STARD4: variants seen among roughly 807,000 people sequenced by gnomAD.
STARD4 encodes the protein stAR-related lipid transfer protein 4.
STARD4 carries 33 observed loss-of-function variants against 24.9 expected under a neutral mutation model. That is an observed-to-expected ratio of 1.32 (90% confidence interval 1.00 to 1.77). The LOEUF is 1.77. Ranked by LOEUF, STARD4 falls within the 40% of genes most tolerant of loss-of-function variation. The pLI is 0.00. For synonymous variants in STARD4, 88 were observed against 77.4 expected, an observed-to-expected ratio of 1.14 and a Z score of -0.72; for missense variants, 238 against 249.3, an observed-to-expected ratio of 0.95 and a Z score of 0.31.
In STARD4 at chr5:111,499,050, A is replaced by G. The variant is rs1461601552; in HGVS notation, c.*836T>C. 6.6e-6 allele frequency: 1 copy of G among 152,210 alleles called. No homozygotes were observed. The highest frequency in any genetic ancestry group is 2.4e-5 in the African/African-American group (1 of 41,456). The allele number at this position is 152,210 out of a possible 1,614,324, so 9.4% of individuals were successfully genotyped here. ...TAGACACAGGAATACTAACACATAA[A>G]CAACTAACATTAAACACGGAAATGG... On this transcript the variant is annotated 3_prime_UTR_variant, in exon 6 of 6. Transcript: ENST00000296632.
chr5:111,500,223 A>G, intron 5 of STARD4, 117 bp from the exon 6 acceptor site: 1 of 1,383,892 alleles, frequency 7.2e-7, no homozygotes. Flanking sequence ...ATAGATGAAA[A>G]TTAAATCCCA....
chr5:111,511,901 GC>G (rs1377118277), intron 1 of STARD4, among the ~76,000 whole-genome samples: 1 of 152,188 alleles, frequency 6.6e-6, no homozygotes, highest in Admixed American at 6.5e-5. Flanking sequence ...AAGGCAGTAA[GC>G]CCTGGGAAAA....
chr5:111,505,009 T>G (rs1179996427), intron 3 of STARD4: 1 of 455,594 alleles, frequency 2.2e-6, no homozygotes, highest in East Asian at 7.0e-5. Context: ...ACACATCAGG[T>G]CCTACCTCTT....
At position 111,496,711 on chromosome 5, in the gene STARD4, G is replaced by A. The variant is rs1756116861; in HGVS notation, c.*3175C>T. 6.6e-6 allele frequency: 1 copy of A among 151,986 alleles called. No individual in the cohort carries two copies. The highest frequency in any genetic ancestry group is 2.4e-5 in the African/African-American group (1 of 41,418). The allele number at this position is 151,986 out of a possible 1,614,324, so 9.4% of individuals were successfully genotyped here. ...GATATTAATTGAATTCAGCATGATT[G>A]TTGATAAAATGCCCTTTGGTTAGAA... On this transcript the variant is annotated 3_prime_UTR_variant, in exon 6 of 6. Transcript: ENST00000296632.
rs1756099607 is a variant in STARD4 at position 111,496,422 on chromosome 5, G to C, written c.*3464C>G. On this transcript the variant is annotated 3_prime_UTR_variant, in exon 6 of 6. Transcript: ENST00000296632. ...GCAACACAGGTTCTAGGGGAAACCT[G>C]ATCAAGCCCTTAGCTTCTCTAGTTC... The C allele has an allele frequency of 6.6e-6, 1 of 152,090 alleles. No homozygotes were observed. The highest frequency in any genetic ancestry group is 2.4e-5 in the African/African-American group (1 of 41,432). 9.4% of individuals were successfully genotyped at this position (152,090 alleles called of 1,614,324 possible).
chr5:111,500,619 C>A, intron 5 of STARD4: 1 of 1,136,512 alleles, frequency 8.8e-7, no homozygotes, highest in Admixed American at 4.7e-5. Context: ...AAGAAAAATA[C>A]AACACAGCTC....
At position 111,500,243 on chromosome 5, in the gene STARD4, T is replaced by C. The variant is rs559211053; in HGVS notation, c.398-137A>G. 4.6e-3 allele frequency: 6,227 copies of C among 1,367,016 alleles called. 14 individuals are homozygous for C. The highest frequency in any genetic ancestry group is 5.3e-3 in the Non-Finnish European group (5,637 of 1,064,038). 84.7% of individuals were successfully genotyped at this position (1,367,016 alleles called of 1,614,324 possible). ...TGAAAATTAAATCCCAAAGTGACCA[T>C]GGCAGAGTGAAAAAGAGACTTACCA... On this transcript the variant is annotated intron_variant, in intron 5 of 5. Transcript: ENST00000296632.
At chr5:111,502,421 AT>A (rs1472196550) in intron 3 of STARD4, among the ~76,000 whole-genome samples, 1 of 151,770 alleles carries the variant, frequency 6.6e-6, no homozygotes. Flanking sequence ...GTGAGCCAAG[AT>A]CATGCCACTG....
rs867508644 is a variant in STARD4, at chr5:111,507,254, T to C, written c.105+75A>G. On this transcript the variant is annotated intron_variant, in intron 2 of 5. Coordinates refer to ENST00000296632, the MANE Select transcript of STARD4 (RefSeq NM_139164.3). The surrounding 1 kb of genome is among the most constrained non-coding windows in gnomAD (Gnocchi z 4.4). ...TATGGTCTTTGTCCATATTGTTCCATTTAATTTTAAAAGTCATCAACCAAT... is the reference window on the plus strand; with the variant it reads ...TATGGTCTTTGTCCATATTGTTCCACTTAATTTTAAAAGTCATCAACCAAT... The C allele has an allele frequency of 2.3e-5, 28 of 1,227,644 alleles. No homozygotes were observed. The African/African-American group carries it at 2.6e-4, about 11-fold the overall frequency. The allele number at this position is 1,227,644 out of a possible 1,614,324, so 76.0% of individuals were successfully genotyped here. A position where few individuals can be genotyped will look rare whatever the true frequency, so the allele number is the denominator to read the frequency against.
intron 5 of STARD4, chr5:111,500,656 A>G (rs1033797868): frequency 7.1e-6 from 9 of 1,263,698 alleles, no homozygotes; most frequent in East Asian, 3.8e-5. Context: ...TCTAAGACAC[A>G]CCAAATCTAG....
At chr5:111,506,422 G>T in intron 2 of STARD4, 43 bp from the exon 3 acceptor site, 2 of 978,828 alleles carry the variant, frequency 2.0e-6, no homozygotes, top group Non-Finnish European at 3.1e-6. Flanking sequence ...TGCATAGGTG[G>T]AACCCTAGAC....
At chr5:111,509,157 G>T (rs1011439117) in intron 1 of STARD4, among the ~76,000 whole-genome samples, 1 of 152,032 alleles carries the variant, frequency 6.6e-6, no homozygotes, top group Admixed American at 6.5e-5. Context: ...CAAACAAGCA[G>T]AAGTTCTTGC....
chr5:111,501,682 CTA>C (rs986561077), intron 4 of STARD4, among the ~76,000 whole-genome samples: 2 of 152,158 alleles, frequency 1.3e-5, no homozygotes, highest in Non-Finnish European at 2.9e-5. Flanking sequence ...AGAATCTTAA[CTA>C]AAGTTTTACA....
At position 111,507,464 on chromosome 5, in the gene STARD4, G is replaced by T; in HGVS notation, c.-9-22C>A. 1 of 1,589,428 alleles carries T rather than the reference G, an allele frequency of 6.3e-7. No individual in the cohort carries two copies. The highest frequency in any genetic ancestry group is 8.6e-7 in the Non-Finnish European group (1 of 1,163,008). ...CTCTCTGTTATGGAGACCAAGATTA[G>T]CATCAGCAAATACCACAGTTTGAGG... On this transcript the variant is annotated intron_variant, in intron 1 of 5. Transcript: ENST00000296632. The surrounding 1 kb of genome is among the most constrained non-coding windows in gnomAD (Gnocchi z 4.4).
intron 2 of STARD4, 126 bp from the exon 3 acceptor site, chr5:111,506,505 A>G (rs1756876555): frequency 2.4e-6 from 1 of 424,780 alleles, no homozygotes; most frequent in African/African-American, 2.1e-5. Flanking sequence ...TTTTCAGAAT[A>G]CATAAAAGTC....
chr5:111,504,250 T>C (rs752645624), intron 3 of STARD4, among the ~76,000 whole-genome samples: 3 of 152,032 alleles, frequency 2.0e-5, no homozygotes, highest in Admixed American at 2.0e-4. Flanking sequence ...TAGAGAAAAA[T>C]TGACAACAGC....
rs1199798920 is a variant in STARD4, at chr5:111,497,231, G to A, written c.*2655C>T. On this transcript the variant is annotated 3_prime_UTR_variant, in exon 6 of 6. Coordinates refer to ENST00000296632, the MANE Select transcript of STARD4 (RefSeq NM_139164.3). ...ATATCAAAAGTTACTTATCTTTGAA[G>A]GAAAATATTTGCTGGCAATAATTTT... 1.3e-5 allele frequency: 2 copies of A among 151,928 alleles called. No homozygotes were observed. Among genetic ancestry groups the A allele is most frequent in the Admixed American group, 6.6e-5 (1 of 15,264 alleles). The allele number at this position is 151,928 out of a possible 1,614,324, so 9.4% of individuals were successfully genotyped here.
chr5:111,508,399 C>A (rs1242892683), intron 1 of STARD4, among the ~76,000 whole-genome samples: 2 of 152,016 alleles, frequency 1.3e-5, no homozygotes, highest in South Asian at 4.2e-4. Context: ...ATTACTTGGT[C>A]TTTGTCTTCT....
At chr5:111,501,193 GGAAA>G in intron 4 of STARD4, 77 bp from the exon 5 acceptor site, 1 of 1,347,746 alleles carries the variant, frequency 7.4e-7, no homozygotes, top group Non-Finnish European at 1.0e-6. Context: ...ACTTATCTCT[GGAAA>G]GAAACTAATA....
Sources: gnomAD v4.1 joint callset for allele counts (sites outside exome capture counted in the v4.1 genomes callset) on GRCh38, gnomAD v4.1.1 for gene constraint, Gnocchi (gnomAD v3.1) non-coding constraint, MANE v1.5 for transcripts, NCBI Gene and HGNC (gene_info 2026-07-23, HGNC 2026-07-21) for gene names.